Variants in POF1B observed in about 807,000 individuals in gnomAD.
POF1B encodes the protein POF1B actin binding protein.
A neutral mutation model predicts 55.3 loss-of-function variants in POF1B; 53 were observed. The observed-to-expected ratio is 0.96, with a 90% CI of 0.77 to 1.20. The LOEUF is 1.20. POF1B is among the 50% of genes most tolerant of loss of function. The pLI is 0.00. For missense variants in POF1B, 478 were observed against 420.5 expected (o/e 1.14, Z -1.20); for synonymous variants, 188 against 148.3 (o/e 1.27, Z -1.95).
chrX:85,353,016 C>T (rs1443881894), intron 4 of POF1B, among the ~76,000 whole-genome samples: 2 of 110,943 alleles, frequency 1.8e-5, no homozygotes, highest in African/African-American at 6.5e-5. Flanking sequence ...AATATATGAA[C>T]ATAAACATAT....
intron 15 of POF1B, among the ~76,000 whole-genome samples, chrX:85,285,708 A>T (rs1216968558): frequency 9.2e-6 from 1 of 109,109 alleles, no homozygotes; most frequent in Non-Finnish European, 1.9e-5. Context: ...ACAAATGATG[A>T]GTTAATGGGT....
chrX:85,370,030 T>C (rs1345993018), intron 2 of POF1B, among the ~76,000 whole-genome samples: 2 of 111,830 alleles, frequency 1.8e-5, no homozygotes, highest in African/African-American at 6.5e-5. Context: ...CATTAGCAAA[T>C]GAAACATAGC....
chrX:85,305,685 C>G, intron 13 of POF1B, 106 bp downstream of exon 13: 1 of 888,982 alleles, frequency 1.1e-6, no homozygotes, highest in Non-Finnish European at 1.5e-6. Context: ...TTCTAAAACT[C>G]TACCTTCAGC....
At chrX:85,337,019 C>T (rs1449143430) in intron 6 of POF1B, among the ~76,000 whole-genome samples, 3 of 111,512 alleles carry the variant, frequency 2.7e-5, no homozygotes, top group Non-Finnish European at 3.8e-5. Flanking sequence ...CGTATGGATA[C>T]CCAGTTTTCC....
chrX:85,347,958 A>G (rs1218273806), intron 5 of POF1B, among the ~76,000 whole-genome samples: 1 of 111,612 alleles, frequency 9.0e-6, no homozygotes, highest in African/African-American at 3.2e-5. Context: ...CTTGTAGGCT[A>G]TTGAAATAGA....
At chrX:85,290,404 G>T (rs1932156310) in intron 15 of POF1B, among the ~76,000 whole-genome samples, 4 of 111,206 alleles carry the variant, frequency 3.6e-5, no homozygotes. Context: ...TTGAAATAAC[G>T]CTGCAATGAA....
At chrX:85,360,305 C>T (rs1933581649) in intron 3 of POF1B, among the ~76,000 whole-genome samples, 1 of 106,268 alleles carries the variant, frequency 9.4e-6, no homozygotes, top group Non-Finnish European at 1.9e-5. Flanking sequence ...TCCTCTCCCT[C>T]CCCCAACCCT....
intron 16 of POF1B, among the ~76,000 whole-genome samples, chrX:85,281,457 A>G (rs1302297913): frequency 9.1e-6 from 1 of 110,143 alleles, no homozygotes; most frequent in East Asian, 2.9e-4. Flanking sequence ...AGCAATATGT[A>G]AAAGTTTTAG....
In POF1B at chrX:85,303,473, G is replaced by A. The variant is rs781094624; in HGVS notation, c.1582C>T (p.Arg528Trp). 3.2e-5 allele frequency: 38 copies of A among 1,171,461 alleles called. No individual in the cohort carries two copies. The South Asian group carries it at 3.4e-4, about 10-fold the overall frequency. ...TTATGAGAGGAATATATTTCTTGCC[G>A]CAACTTGGAGAGTTCCTTACAAATA... The part of the protein sequence containing the change: ...KRQSEELSKL[R>W]QEIYSSHNQP... The change falls in exon 15 of 17, where the codon CGG becomes TGG. Residue 528 changes from arginine (R) to tryptophan (W), a missense_variant. By Grantham distance (101) the Arg-to-Trp change is moderately radical. Transcript: ENST00000262753.
chrX:85,374,145 A>C lies in POF1B; in HGVS notation c.282+5028T>G, dbSNP rs188138207. On this transcript the variant is annotated intron_variant, in intron 2 of 16. Transcript: ENST00000262753. The stretch of plus-strand genomic sequence containing the variant: ...TTCTTAGGTGTAATTAAAGTTGTGG[A>C]GATTTTAAAATTAATATTCCTAGGG... Among the ~76,000 whole-genome samples, 13 of 111,649 alleles carry C rather than the reference A, an allele frequency of 1.2e-4. No homozygotes were observed. The East Asian group carries it at 3.7e-3, about 32-fold the overall frequency.
At chrX:85,355,488 C>G (rs1157672667) in intron 4 of POF1B, among the ~76,000 whole-genome samples, 2 of 111,583 alleles carry the variant, frequency 1.8e-5, no homozygotes, top group Non-Finnish European at 3.8e-5. Context: ...AGCTTCTGCA[C>G]AGCAAAAGAA....
rs778587019 is a variant in POF1B, at chrX:85,305,644, T to A, written c.1437+147A>T. The A allele has an allele frequency of 7.1e-5, 36 of 510,133 alleles. No homozygotes were observed. The South Asian group carries it at 1.5e-3, about 22-fold the overall frequency. The allele number at this position is 510,133 out of a possible 1,213,427, so 42.0% of individuals were successfully genotyped here. ...AACAGTTATATTTTAGATACAGTAA[T>A]GTATTTAAAACAAATGAATACATGA... On this transcript the variant is annotated intron_variant, in intron 13 of 16. Coordinates refer to ENST00000262753, the MANE Select transcript of POF1B (RefSeq NM_024921.4).
At chrX:85,323,459 G>A (rs1378555309) in intron 7 of POF1B, among the ~76,000 whole-genome samples, 1 of 104,786 alleles carries the variant, frequency 9.5e-6, no homozygotes, top group Admixed American at 1.0e-4. Flanking sequence ...GTGGGGGGAA[G>A]GGGGAGGGAT....
intron 9 of POF1B, among the ~76,000 whole-genome samples, chrX:85,309,567 G>A (rs1023789147): frequency 9.0e-6 from 1 of 111,054 alleles, no homozygotes; most frequent in Non-Finnish European, 1.9e-5. Flanking sequence ...TATTAGATCA[G>A]TGTTGGGCAA....
chrX:85,356,581 A>T (rs1933506647), intron 4 of POF1B, among the ~76,000 whole-genome samples: 1 of 111,372 alleles, frequency 9.0e-6, no homozygotes, highest in African/African-American at 3.3e-5. Flanking sequence ...TTAGAGGACA[A>T]TTACTTTCCC....
intron 15 of POF1B, among the ~76,000 whole-genome samples, chrX:85,298,458 T>C (rs1160493095): frequency 2.7e-5 from 3 of 111,137 alleles, no homozygotes; most frequent in African/African-American, 9.8e-5. Flanking sequence ...ACCCATTCCT[T>C]AGGAGGTGTT....
intron 15 of POF1B, among the ~76,000 whole-genome samples, chrX:85,302,834 G>A (rs1603031177): frequency 9.0e-6 from 1 of 111,702 alleles, no homozygotes; most frequent in East Asian, 2.8e-4. Flanking sequence ...ACTATATGTT[G>A]TATTATTTCA....
Position 85,278,109 on chromosome X carries a change from A to G in POF1B, c.*1312T>C, listed in dbSNP as rs1220195375. The G allele has an allele frequency of 9.0e-6, 1 of 111,403 alleles. No homozygotes were observed. The highest frequency in any genetic ancestry group is 1.9e-5 in the Non-Finnish European group (1 of 52,632). The allele number at this position is 111,403 out of a possible 1,213,427, so 9.2% of individuals were successfully genotyped here. ...TAATATAAATAAGGCTTTTAGCTTCATATCAAGACCTATTTGAACACTTCT... is the reference window on the plus strand; with the variant it reads ...TAATATAAATAAGGCTTTTAGCTTCGTATCAAGACCTATTTGAACACTTCT... On this transcript the variant is annotated 3_prime_UTR_variant, in exon 17 of 17. Transcript: ENST00000262753.
rs1478876009 is a variant in POF1B, at chrX:85,339,321, C to T, written c.723+6539G>A. 3.6e-5 allele frequency among the ~76,000 whole-genome samples: 4 copies of T among 110,807 alleles called. No individual in the cohort carries two copies. The East Asian group carries it at 1.2e-3, about 32-fold the overall frequency. Reference sequence around the variant, plus strand: ...GTCCCCATGATACAGTTACCTCCCACTGGGTCCCTCCCACAACACATGATC... The same window carrying T: ...GTCCCCATGATACAGTTACCTCCCATTGGGTCCCTCCCACAACACATGATC... On this transcript the variant is annotated intron_variant, in intron 6 of 16. Coordinates refer to ENST00000262753, the MANE Select transcript of POF1B (RefSeq NM_024921.4).
Sources: gnomAD v4.1 joint callset for allele counts (sites outside exome capture counted in the v4.1 genomes callset) on GRCh38, gnomAD v4.1.1 for gene constraint, MANE v1.5 for transcripts, NCBI Gene and HGNC (gene_info 2026-07-23, HGNC 2026-07-21) for gene names.